ATAD5: variants seen among roughly 807,000 people sequenced by gnomAD.
ATAD5 encodes the protein ATPase family AAA domain-containing protein 5.
A neutral mutation model predicts 176.9 loss-of-function variants in ATAD5; 58 were observed. The ratio of observed to expected loss-of-function variants is 0.33; its 90% CI spans 0.27 to 0.41. The LOEUF (loss-of-function observed/expected upper bound fraction) is 0.41. Ranked by LOEUF, ATAD5 falls within the 10% of genes least tolerant of loss-of-function variation. The pLI is 1.00. For synonymous variants in ATAD5, 640 were observed against 712.6 expected, an observed-to-expected ratio of 0.90 and a Z score of 1.62; for missense variants, 1,789 against 2,094.1, an observed-to-expected ratio of 0.85 and a Z score of 2.84.
intron 11 of ATAD5, among the ~76,000 whole-genome samples, chr17:30,867,158 C>T (rs78399163): frequency 3.3e-5 from 5 of 149,750 alleles, no homozygotes; most frequent in South Asian, 4.2e-4. Context: ...CCAGTGCTTT[C>T]GTAAGCTGAG....
chr17:30,865,150 C>A (rs9905827), intron 10 of ATAD5, among the ~76,000 whole-genome samples: 15,403 of 149,354 alleles, frequency 0.1, 916 homozygotes, highest in South Asian at 0.24. Context: ...AAAAAAAAAA[C>A]CAATGTTTAA....
Position 30,894,008 on chromosome 17 carries a change from A to C in ATAD5, c.5155A>C (p.Lys1719Gln), listed in dbSNP as rs769616215. 4.3e-6 allele frequency: 7 copies of C among 1,613,624 alleles called. No homozygotes were observed. The highest frequency in any genetic ancestry group is 5.9e-6 in the Non-Finnish European group (7 of 1,179,764). The change falls in exon 21 of 23, where the codon AAA becomes CAA. Residue 1719 changes from lysine to glutamine, a missense_variant. By Grantham distance (53) the Lys-to-Gln change is moderately conservative. Around this residue, in one of 6 missense-constraint regions of ATAD5, gnomAD observed 403 missense variants for 495.1 expected, o/e 0.81. Transcript: ENST00000321990. ...AGCTGCAGAAGCTCTCAGCTTTACT[A>C]AATGTTCTTCTGCTATTTCAAAAGC... ...KAAAEALSFT[K>Q]CSSAISKALE...
chr17:30,873,070 A>G (rs944674294), intron 14 of ATAD5, among the ~76,000 whole-genome samples: 3 of 152,164 alleles, frequency 2.0e-5, no homozygotes, highest in Non-Finnish European at 4.4e-5. Context: ...GTTCTTATTT[A>G]TGATGGGAGG....
At chr17:30,855,385 A>T (rs1907235273) in intron 7 of ATAD5, 58 bp downstream of exon 7, 2 of 1,459,900 alleles carry the variant, frequency 1.4e-6, no homozygotes, top group African/African-American at 2.9e-5. Flanking sequence ...GGAACATTAA[A>T]CTATGTAAGT....
rs1173747179 is a variant in ATAD5 at position 30,834,233 on chromosome 17, A to G, written c.152A>G (p.Asp51Gly). 1.2e-6 allele frequency: 2 copies of G among 1,613,186 alleles called. No individual in the cohort carries two copies. Among genetic ancestry groups the G allele is most frequent in the Non-Finnish European group, 1.7e-6 (2 of 1,179,788 alleles). Residue 51 changes from aspartate (D) to glycine (G), a missense_variant, in exon 2 of 23, where the codon GAC (aspartate) becomes GGC (glycine). Physicochemically the swap from Asp to Gly is moderately conservative, Grantham distance 94. This residue lies in a region of ATAD5 where 696 missense variants were observed against 712.5 expected (regional missense o/e 0.98). Transcript: ENST00000321990. ...KYLSPLGKTR[D>G]RVFAPPKPSN... is the part of the protein sequence containing the mutation. ...TTATCACCACTAGGGAAGACTAGAG[A>G]CAGGGTTTTTGCTCCACCAAAACCT... is the stretch of plus-strand genomic sequence containing the variant.
At chr17:30,885,068 T>C (rs946404466) in intron 18 of ATAD5, among the ~76,000 whole-genome samples, 12 of 152,140 alleles carry the variant, frequency 7.9e-5, no homozygotes, top group African/African-American at 2.4e-4. Context: ...ATATTTCTAA[T>C]GGACAGTACT....
chr17:30,853,880 T>G (rs1907124229), intron 6 of ATAD5, among the ~76,000 whole-genome samples: 1 of 152,066 alleles, frequency 6.6e-6, no homozygotes, highest in African/African-American at 2.4e-5. Context: ...ACATCAGAAG[T>G]TCTTGTATTA....
chr17:30,892,637 G>T lies in ATAD5; in HGVS notation c.4289G>T (p.Cys1430Phe). 1 of 1,579,034 alleles carries T rather than the reference G, an allele frequency of 6.3e-7. No individual in the cohort carries two copies. ...RGNSRNVQLVCSEHGLDNKIY... is the reference protein window; with the variant it reads ...RGNSRNVQLVFSEHGLDNKIY... Reference sequence around the variant, plus strand: ...AATAGCAGAAATGTACAACTAGTTTGCTCTGAACATGGCCTTGATAACAAA... The same window carrying T: ...AATAGCAGAAATGTACAACTAGTTTTCTCTGAACATGGCCTTGATAACAAA... Residue 1430 changes from cysteine (C) to phenylalanine (F), a missense_variant, in exon 20 of 23, where the codon TGC becomes TTC. Cys to Phe is a radical substitution (Grantham distance 205). Transcript: ENST00000321990.
rs779994116 is a variant in ATAD5 at position 30,887,280 on chromosome 17, A to G, written c.4166A>G (p.Asn1389Ser). Reference sequence around the variant, plus strand: ...GACTTTGTAACCTTGTTAACTGCAAATACTTGTGATATCAGAAAAAGTATC... The same window carrying G: ...GACTTTGTAACCTTGTTAACTGCAAGTACTTGTGATATCAGAAAAAGTATC... The part of the protein sequence containing the change: ...VKDFVTLLTA[N>S]TCDIRKSILY... Residue 1389 changes from asparagine to serine, a missense_variant, in exon 19 of 23, where the codon AAT becomes AGT. Asn to Ser is a conservative substitution (Grantham distance 46). Around this residue, in one of 6 missense-constraint regions of ATAD5, gnomAD observed 194 missense variants for 270.1 expected, o/e 0.72. Transcript: ENST00000321990. The G allele has an allele frequency of 6.2e-7, 1 of 1,606,898 alleles. No homozygotes were observed. The highest frequency in any genetic ancestry group is 8.5e-7 in the Non-Finnish European group (1 of 1,177,058).
intron 20 of ATAD5, 38 bp from the exon 21 acceptor site, chr17:30,893,256 A>G (rs764604493): frequency 6.5e-7 from 1 of 1,528,412 alleles, no homozygotes; most frequent in Non-Finnish European, 8.8e-7. Context: ...CAAACTATGT[A>G]CTGCTGTAAC....
At chr17:30,887,155 C>T (rs1909368337) in intron 18 of ATAD5, 37 bp from the exon 19 acceptor site, 1 of 1,503,994 alleles carries the variant, frequency 6.6e-7, no homozygotes, top group South Asian at 1.3e-5. Flanking sequence ...TCTATTTGAA[C>T]TCAGCAGTTA....
In ATAD5 at chr17:30,832,318, TA is replaced by T; in HGVS notation, c.-29del. Reference sequence around the variant, plus strand: ...GGCCGGGCTGGACCGCGTGAGGTCCTAGGAGACGGGATTCCGGGAAGCGGGG... The same window carrying T: ...GGCCGGGCTGGACCGCGTGAGGTCCTGGAGACGGGATTCCGGGAAGCGGGG... On this transcript the variant is annotated 5_prime_UTR_variant, in exon 1 of 23. An upstream open reading frame in the 5' UTR loses its in-frame stop. Coordinates refer to ENST00000321990, the MANE Select transcript of ATAD5 (RefSeq NM_024857.5). 6.5e-7 allele frequency: 1 copy of T among 1,531,520 alleles called. No individual in the cohort carries two copies. The highest frequency in any genetic ancestry group is 8.8e-7 in the Non-Finnish European group (1 of 1,136,816). 94.9% of individuals were successfully genotyped at this position (1,531,520 alleles called of 1,614,324 possible). A position where few individuals can be genotyped will look rare whatever the true frequency, so the allele number is the denominator to read the frequency against.
At chr17:30,887,996 T>C (rs1489359648) in intron 19 of ATAD5, among the ~76,000 whole-genome samples, 1 of 151,820 alleles carries the variant, frequency 6.6e-6, no homozygotes, top group Non-Finnish European at 1.5e-5. Context: ...CACGCCCAGC[T>C]AATTTTTTTT....
chr17:30,836,728 C>T lies in ATAD5; in HGVS notation c.1968-478C>T, dbSNP rs372010696. Among the ~76,000 whole-genome samples the T allele has an allele frequency of 4.0e-5, 6 of 151,574 alleles. No homozygotes were observed. In the South Asian group the frequency reaches 6.3e-4, roughly 16 times the overall value. Reference sequence around the variant, plus strand: ...GATTACAGGTGCGTGCCACCATACCCGGCTGATCTTTGTATTTTTAGTAGA... The same window carrying T: ...GATTACAGGTGCGTGCCACCATACCTGGCTGATCTTTGTATTTTTAGTAGA... On this transcript the variant is annotated intron_variant, in intron 2 of 22. Coordinates refer to ENST00000321990, the MANE Select transcript of ATAD5 (RefSeq NM_024857.5).
chr17:30,876,349 T>C, intron 14 of ATAD5, 25 bp from the exon 15 acceptor site: 1 of 1,560,022 alleles, frequency 6.4e-7, no homozygotes, highest in Non-Finnish European at 8.7e-7. Flanking sequence ...ATATTTATCT[T>C]TAAGTGCAAT....
In ATAD5 at chr17:30,834,448, C is replaced by G; in HGVS notation, c.367C>G (p.Leu123Val). The change falls in exon 2 of 23, where the codon CTA (leucine) becomes GTA (valine). Residue 123 changes from leucine (L) to valine (V), a missense_variant. Transcript: ENST00000321990. ...AAAGAGGGTTAATTTATCTCATCAA[C>G]TAAATAATATTAAAACTGAAAATGA... ...KRKRVNLSHQLNNIKTENEAP... is the reference protein window; with the variant it reads ...KRKRVNLSHQVNNIKTENEAP... 1 of 1,592,534 alleles carries G rather than the reference C, an allele frequency of 6.3e-7. No individual in the cohort carries two copies. Among genetic ancestry groups the G allele is most frequent in the East Asian group, 2.2e-5 (1 of 44,758 alleles).
At chr17:30,883,799 T>C (rs999169940) in intron 18 of ATAD5, among the ~76,000 whole-genome samples, 1 of 152,202 alleles carries the variant, frequency 6.6e-6, no homozygotes, top group Non-Finnish European at 1.5e-5. Flanking sequence ...TCCGCCCGTC[T>C]CGGCCTCCCA....
intron 18 of ATAD5, among the ~76,000 whole-genome samples, chr17:30,883,232 C>G (rs1455872939): frequency 6.6e-6 from 1 of 151,408 alleles, no homozygotes; most frequent in East Asian, 1.9e-4. Flanking sequence ...TCAAGCAGTC[C>G]TCCCCTCTCA....
At chr17:30,833,365 T>G (rs1213663531) in intron 1 of ATAD5, among the ~76,000 whole-genome samples, 1 of 152,186 alleles carries the variant, frequency 6.6e-6, no homozygotes, top group Admixed American at 6.5e-5. Flanking sequence ...AAACCCTATT[T>G]CATAATAATG....
Sources: allele counts gnomAD v4.1 joint callset (sites outside exome capture counted in the v4.1 genomes callset), GRCh38; gene constraint gnomAD v4.1.1; regional missense constraint gnomAD v4.1.1; transcripts MANE v1.5; gene names NCBI Gene and HGNC (gene_info 2026-07-23, HGNC 2026-07-21).